The following FBXO9 variants were observed in gnomAD, a reference collection of about 807,000 sequenced individuals.
FBXO9 encodes the protein F-box protein 9.
FBXO9 carries 43 observed loss-of-function variants against 63.7 expected under a neutral mutation model. That is an observed-to-expected ratio of 0.67 (90% confidence interval 0.53 to 0.87). FBXO9 has a LOEUF of 0.87. FBXO9 is among the 40% of genes least tolerant of loss of function. FBXO9 has a pLI of 0.00. For synonymous variants in FBXO9, 156 were observed against 171.7 expected (o/e 0.91, Z 0.72); for missense variants, 442 against 533.2 (o/e 0.83, Z 1.68).
In FBXO9 at chr6:53,083,583, C is replaced by T. The variant is rs922879226; in HGVS notation, c.653+965C>T. Among the ~76,000 whole-genome samples the T allele has an allele frequency of 3.9e-5, 6 of 152,184 alleles. No individual in the cohort carries two copies. The East Asian group carries it at 1.2e-3, about 29-fold the overall frequency. On this transcript the variant is annotated intron_variant, in intron 7 of 12. Transcript: ENST00000323557. Reference sequence around the variant, plus strand: ...CAAAGATCAGTAACAAGGGGGACGCCAGTCTGAGATTGGACAGACAGTTTC... The same window carrying T: ...CAAAGATCAGTAACAAGGGGGACGCTAGTCTGAGATTGGACAGACAGTTTC...
At chr6:53,076,920 A>G (rs2127490753) in intron 4 of FBXO9, among the ~76,000 whole-genome samples, 1 of 152,254 alleles carries the variant, frequency 6.6e-6, no homozygotes, top group South Asian at 2.1e-4. Context: ...AAAAATAGAA[A>G]TTGTTTTTCT....
chr6:53,087,806 A>G (rs1347225932), intron 7 of FBXO9, among the ~76,000 whole-genome samples: 3 of 152,200 alleles, frequency 2.0e-5, no homozygotes, highest in African/African-American at 7.2e-5. Context: ...AGAAAACTTC[A>G]TTGTTCTAAC....
intron 7 of FBXO9, among the ~76,000 whole-genome samples, chr6:53,083,283 A>G (rs1480909152): frequency 6.6e-6 from 1 of 152,228 alleles, no homozygotes; most frequent in Non-Finnish European, 1.5e-5. Context: ...TTTTCATAAA[A>G]TATTTGAATT....
rs759206006 is a variant in FBXO9, at chr6:53,094,001, A to G, written c.1053+23A>G. ...GAAGTGAGTATACGAGGTGTAATTA[A>G]TAGTTTTCTTATCTTAATAGCCTAT... On this transcript the variant is annotated intron_variant, in intron 11 of 12. Transcript: ENST00000323557. 17 of 1,462,754 alleles carry G rather than the reference A, an allele frequency of 1.2e-5. No homozygotes were observed. The South Asian group carries it at 2.1e-4, about 18-fold the overall frequency. 90.6% of individuals were successfully genotyped at this position (1,462,754 alleles called of 1,614,324 possible). A position where few individuals can be genotyped will look rare whatever the true frequency, so the allele number is the denominator to read the frequency against.
chr6:53,082,674 A>G (rs1179092229), intron 7 of FBXO9, 56 bp downstream of exon 7: 2 of 1,255,342 alleles, frequency 1.6e-6, no homozygotes, highest in Non-Finnish European at 2.3e-6. Context: ...GAAAAGAAAG[A>G]TGGTCCTTTG....
chr6:53,095,308 AGAT>A (rs1299894961), intron 11 of FBXO9, among the ~76,000 whole-genome samples: 1 of 152,094 alleles, frequency 6.6e-6, no homozygotes, highest in Non-Finnish European at 1.5e-5. Context: ...TGATTAACTG[AGAT>A]GATGATGATG....
At chr6:53,097,550 AC>A (rs1763244759) in intron 12 of FBXO9, among the ~76,000 whole-genome samples, 171 bp from the exon 13 acceptor site, 1 of 152,176 alleles carries the variant, frequency 6.6e-6, no homozygotes, top group Non-Finnish European at 1.5e-5. Flanking sequence ...GTTTCTGTAT[AC>A]ATTTCTAAAT....
chr6:53,072,855 G>C (rs1768969212), intron 2 of FBXO9, among the ~76,000 whole-genome samples: 1 of 151,998 alleles, frequency 6.6e-6, no homozygotes, highest in African/African-American at 2.4e-5. Flanking sequence ...CAAGTAGCTG[G>C]GATTACAGGT....
At chr6:53,075,096 A>C (rs991894957) in intron 3 of FBXO9, among the ~76,000 whole-genome samples, 1 of 152,138 alleles carries the variant, frequency 6.6e-6, no homozygotes, top group African/African-American at 2.4e-5. Context: ...GTTCATCCTC[A>C]TCAGCATTTA....
rs986220652 is a variant in FBXO9 at position 53,099,733 on chromosome 6, C to A, written c.*1903C>A. On this transcript the variant is annotated 3_prime_UTR_variant, in exon 13 of 13. Coordinates refer to ENST00000323557, the MANE Select transcript of FBXO9 (RefSeq NM_033480.3). ...CTCCAGCCTGGGTGAGAAAGCGAGA[C>A]CCTGTCTCAAAAAAGAAAAAAAAGA... 3 of 152,050 alleles carry A rather than the reference C, an allele frequency of 2.0e-5. No individual in the cohort carries two copies. The highest frequency in any genetic ancestry group is 7.3e-5 in the African/African-American group (3 of 41,360). 9.4% of individuals were successfully genotyped at this position (152,050 alleles called of 1,614,324 possible).
chr6:53,092,917 G>A (rs140232777), intron 9 of FBXO9, 93 bp downstream of exon 9: 20 of 735,688 alleles, frequency 2.7e-5, no homozygotes, highest in Non-Finnish European at 3.6e-5. Context: ...TGATTGACCC[G>A]CAAAATGGCC....
intron 4 of FBXO9, among the ~76,000 whole-genome samples, chr6:53,077,472 C>CAAAAA (rs1173539613): frequency 9.9e-5 from 7 of 70,466 alleles, no homozygotes; most frequent in Non-Finnish European, 1.5e-4. Flanking sequence ...GACTCCGTCT[C>CAAAAA]AAAAAAAAAA....
Position 53,097,842 on chromosome 6 carries a change from C to T in FBXO9, c.*12C>T, listed in dbSNP as rs1763253309. ...AAAGGCCTCTGTAGAGCCTCAAGTC[C>T]AGTCCTCTATCACTTTTGCATGAAT... On this transcript the variant is annotated 3_prime_UTR_variant, in exon 13 of 13. Coordinates refer to ENST00000323557, the MANE Select transcript of FBXO9 (RefSeq NM_033480.3). 1 of 1,535,942 alleles carries T rather than the reference C, an allele frequency of 6.5e-7. No individual in the cohort carries two copies. Among genetic ancestry groups the T allele is most frequent in the Non-Finnish European group, 8.9e-7 (1 of 1,124,344 alleles).
At chr6:53,093,396 T>C (rs1763103165) in intron 9 of FBXO9, 70 bp from the exon 10 acceptor site, 1 of 1,030,244 alleles carries the variant, frequency 9.7e-7, no homozygotes, top group Non-Finnish European at 1.5e-6. Flanking sequence ...GCATAGGTAC[T>C]AATAGATAAG....
At chr6:53,082,422 AAGGTATAAATGT>A in intron 6 of FBXO9, 70 bp from the exon 7 acceptor site, 1 of 821,238 alleles carries the variant, frequency 1.2e-6, no homozygotes, top group Non-Finnish European at 2.0e-6. Flanking sequence ...AATTTCTAGG[AAGGTATAAATGT>A]ACTGGGAATG....
intron 5 of FBXO9, among the ~76,000 whole-genome samples, chr6:53,079,556 T>C (rs1351456273): frequency 6.6e-6 from 1 of 152,164 alleles, no homozygotes; most frequent in Non-Finnish European, 1.5e-5. Context: ...AGAAAACTTA[T>C]TTTTAAGGCA....
chr6:53,097,542 T>C (rs1033046213), intron 12 of FBXO9, among the ~76,000 whole-genome samples, 180 bp from the exon 13 acceptor site: 1 of 152,172 alleles, frequency 6.6e-6, no homozygotes, highest in African/African-American at 2.4e-5. Context: ...GTGGTGATGT[T>C]TCTGTATACA....
At chr6:53,092,367 A>G in intron 7 of FBXO9, 62 bp from the exon 8 acceptor site, 1 of 1,260,998 alleles carries the variant, frequency 7.9e-7, no homozygotes, top group Non-Finnish European at 1.2e-6. Context: ...GCTGATAGCA[A>G]AAATATTTAT....
At position 53,094,112 on chromosome 6, in the gene FBXO9, T is replaced by C. The variant is rs1011470031; in HGVS notation, c.1053+134T>C. 4.8e-5 allele frequency: 21 copies of C among 435,988 alleles called. No individual in the cohort carries two copies. In the Admixed American group the frequency reaches 7.3e-4, roughly 15 times the overall value. 27.0% of individuals were successfully genotyped at this position (435,988 alleles called of 1,614,324 possible). On this transcript the variant is annotated intron_variant, in intron 11 of 12. Transcript: ENST00000323557. ...GTTATATAAAATGTATATTAACTTC[T>C]AGCAATCACTGAAGAAAGCTGGAGA...
Sources: gnomAD v4.1 joint callset for allele counts (sites outside exome capture counted in the v4.1 genomes callset) on GRCh38, gnomAD v4.1.1 for gene constraint, MANE v1.5 for transcripts, NCBI Gene and HGNC (gene_info 2026-07-23, HGNC 2026-07-21) for gene names.